The following GNB1 variants were observed in gnomAD, a reference collection of about 807,000 sequenced individuals.
The protein encoded by GNB1 is G protein subunit beta 1, also known as guanine nucleotide-binding protein G(I)/G(S)/G(T) subunit beta-1.
In GNB1, 2 loss-of-function variants were observed where a neutral mutation model predicts 42.9. The observed-to-expected ratio is 0.05, with a 90% confidence interval of 0.02 to 0.15. GNB1 has a LOEUF of 0.15. GNB1 is among the 10% of genes least tolerant of loss of function. GNB1 has a pLI of 1.00. For synonymous variants in GNB1, 183 were observed against 174.7 expected (o/e 1.05, Z -0.38); for missense variants, 193 against 462.2 (o/e 0.42, Z 5.34).
At chr1:1,838,344 C>G (rs144978209) in intron 2 of GNB1, among the ~76,000 whole-genome samples, 1 of 152,324 alleles carries the variant, frequency 6.6e-6, no homozygotes, top group Non-Finnish European at 1.5e-5. Flanking sequence ...CACCCAGACT[C>G]ACTCACTACG....
intron 1 of GNB1, among the ~76,000 whole-genome samples, chr1:1,850,061 C>T (rs1246350007): frequency 1.3e-5 from 2 of 152,076 alleles, no homozygotes; most frequent in Non-Finnish European, 2.9e-5. Context: ...CTCCGCCTCC[C>T]AGGTTCAAGT....
chr1:1,849,515 T>C (rs1647865569), intron 1 of GNB1, among the ~76,000 whole-genome samples: 1 of 152,060 alleles, frequency 6.6e-6, no homozygotes, highest in Non-Finnish European at 1.5e-5. Context: ...CAAGCGATCC[T>C]CCCACTTCAG....
At chr1:1,873,106 T>C (rs909494674) in intron 1 of GNB1, among the ~76,000 whole-genome samples, 3 of 151,988 alleles carry the variant, frequency 2.0e-5, no homozygotes, top group Non-Finnish European at 4.4e-5. Flanking sequence ...CACTATGTTG[T>C]CCAGGCTGGT....
intron 9 of GNB1, among the ~76,000 whole-genome samples, chr1:1,789,474 C>A (rs923081134): frequency 1.3e-5 from 2 of 152,108 alleles, no homozygotes; most frequent in African/African-American, 2.4e-5. Flanking sequence ...GGGTGGATCA[C>A]CTGAGATGGG....
chr1:1,824,797 C>G (rs1226886376), intron 3 of GNB1, among the ~76,000 whole-genome samples: 1 of 152,050 alleles, frequency 6.6e-6, no homozygotes, highest in Non-Finnish European at 1.5e-5. Context: ...TGGTCTCGAA[C>G]TCCCGACCTC....
chr1:1,828,396 T>G (rs1647028424), intron 2 of GNB1, among the ~76,000 whole-genome samples: 1 of 152,114 alleles, frequency 6.6e-6, no homozygotes, highest in Admixed American at 6.6e-5. Context: ...CATCATTAGG[T>G]GGGATAACTC....
Position 1,890,996 on chromosome 1 carries a change from T to G in GNB1, c.-272A>C, listed in dbSNP as rs1307741030. 6.7e-6 allele frequency: 1 copy of G among 148,208 alleles called. No individual in the cohort carries two copies. The allele number at this position is 148,208 out of a possible 1,614,324, so 9.2% of individuals were successfully genotyped here. A position where few individuals can be genotyped will look rare whatever the true frequency, so the allele number is the denominator to read the frequency against. On this transcript the variant is annotated 5_prime_UTR_variant, in exon 1 of 12. Coordinates refer to ENST00000378609, the MANE Select transcript of GNB1 (RefSeq NM_002074.5). ...CTCCACTCCCGGCCCCGCTCCCCACTCGCCGCCCGCTCCCGCTCCCGCCGC... is the reference window on the plus strand; with the variant it reads ...CTCCACTCCCGGCCCCGCTCCCCACGCGCCGCCCGCTCCCGCTCCCGCCGC...
intron 5 of GNB1, among the ~76,000 whole-genome samples, chr1:1,811,866 C>T (rs1205234920): frequency 6.6e-6 from 1 of 151,726 alleles, no homozygotes; most frequent in African/African-American, 2.4e-5. Context: ...GAGATCGAGA[C>T]CATCCTGGCT....
rs1647286354 is a variant in GNB1 at position 1,842,547 on chromosome 1, A to G, written c.-95-3309T>C. 2.0e-5 allele frequency among the ~76,000 whole-genome samples: 3 copies of G among 152,122 alleles called. No homozygotes were observed. The South Asian group carries it at 6.2e-4, about 31-fold the overall frequency. ...CAAAAAGCCACATATATACAACCCC[A>G]TTTACATGAAATATCCGGAACACAC... On this transcript the variant is annotated intron_variant, in intron 1 of 11. Coordinates refer to ENST00000378609, the MANE Select transcript of GNB1 (RefSeq NM_002074.5).
chr1:1,849,472 T>C (rs1348712195), intron 1 of GNB1, among the ~76,000 whole-genome samples: 2 of 152,174 alleles, frequency 1.3e-5, no homozygotes, highest in African/African-American at 4.8e-5. Context: ...AGTGGCACAA[T>C]CTTGGCTCAC....
chr1:1,863,988 C>T (rs1557937907), intron 1 of GNB1, among the ~76,000 whole-genome samples: 1 of 152,064 alleles, frequency 6.6e-6, no homozygotes, highest in African/African-American at 2.4e-5. Flanking sequence ...CCAGTTTGGG[C>T]AACATAGTTG....
chr1:1,855,345 A>AAGAAG (rs1267039572), intron 1 of GNB1, among the ~76,000 whole-genome samples: 17 of 151,238 alleles, frequency 1.1e-4, no homozygotes, highest in Non-Finnish European at 2.2e-4. Flanking sequence ...AAGAAAAGAA[A>AAGAAG]AGAAGAAAAA....
At chr1:1,839,924 G>A (rs948758466) in intron 1 of GNB1, among the ~76,000 whole-genome samples, 4 of 151,990 alleles carry the variant, frequency 2.6e-5, no homozygotes, top group Admixed American at 1.3e-4. Flanking sequence ...GGAGGCTGAG[G>A]TGGGCGCATA....
intron 6 of GNB1, 37 bp from the exon 7 acceptor site, chr1:1,804,618 T>C (rs767974101): frequency 2.0e-6 from 3 of 1,501,700 alleles, no homozygotes; most frequent in South Asian, 1.3e-5. Flanking sequence ...AACAACTTTA[T>C]GTTCAAAAAC....
At chr1:1,817,663 A>C (rs1406337429) in intron 4 of GNB1, 174 bp downstream of exon 4, 1 of 532,496 alleles carries the variant, frequency 1.9e-6, no homozygotes, top group Non-Finnish European at 3.4e-6. Flanking sequence ...TATCTCAATA[A>C]GCCCCTCTAT....
chr1:1,888,259 C>T, intron 1 of GNB1, among the ~76,000 whole-genome samples: 1 of 152,000 alleles, frequency 6.6e-6, no homozygotes, highest in East Asian at 1.9e-4. Context: ...TGAAAGGTTC[C>T]CGCAGAAGAT....
intron 5 of GNB1, among the ~76,000 whole-genome samples, chr1:1,806,952 C>A (rs1006058907): frequency 2.0e-5 from 3 of 152,186 alleles, no homozygotes; most frequent in African/African-American, 7.2e-5. Flanking sequence ...CCAGCCTGGG[C>A]AACAGAGTGA....
intron 1 of GNB1, among the ~76,000 whole-genome samples, chr1:1,888,447 C>A (rs1368920269): frequency 6.6e-6 from 1 of 152,096 alleles, no homozygotes; most frequent in Non-Finnish European, 1.5e-5. Flanking sequence ...GACCACCGCC[C>A]AACACCTGCA....
intron 1 of GNB1, among the ~76,000 whole-genome samples, chr1:1,848,860 T>C (rs1254630333): frequency 6.6e-6 from 1 of 152,228 alleles, no homozygotes; most frequent in Non-Finnish European, 1.5e-5. Flanking sequence ...TACTTCTACA[T>C]GTTTTTTGAA....
Sources: allele counts gnomAD v4.1 joint callset (sites outside exome capture counted in the v4.1 genomes callset), GRCh38; gene constraint gnomAD v4.1.1; transcripts MANE v1.5; gene names NCBI Gene and HGNC (gene_info 2026-07-23, HGNC 2026-07-21).